METTL2A: variants seen among roughly 807,000 people sequenced by gnomAD.
The protein encoded by METTL2A is methyltransferase 2A, tRNA N3-cytidine, also known as tRNA N(3)-cytidine methyltransferase METTL2A.
In METTL2A, 45 loss-of-function variants were observed where a neutral mutation model predicts 49.4. The observed-to-expected ratio is 0.91, with a 90% CI of 0.72 to 1.17. The LOEUF is 1.17. Ranked by LOEUF, METTL2A falls within the 50% of genes most tolerant of loss-of-function variation. The probability of loss-of-function intolerance (pLI) is 0.00; values close to 1 mark genes in which losing one functional copy is unlikely to be tolerated. For synonymous variants in METTL2A, 118 were observed against 167.5 expected (o/e 0.70, Z 2.28); for missense variants, 361 against 462.2 (o/e 0.78, Z 2.01).
In METTL2A at chr17:62,452,078, T is replaced by G. The variant is rs1316561412; in HGVS notation, c.*3349T>G. Among the ~76,000 whole-genome samples, 2 of 152,072 alleles carry G rather than the reference T, an allele frequency of 1.3e-5. No homozygotes were observed. The highest frequency in any genetic ancestry group is 4.8e-5 in the African/African-American group (2 of 41,424). ...GTCTCAAAATAAAAAACAAAAAAAA[T>G]GTAAAAAATAAATAATTGTATTGAA... On this transcript the variant is annotated 3_prime_UTR_variant, in exon 9 of 9. Coordinates refer to ENST00000311506, the MANE Select transcript of METTL2A (RefSeq NM_181725.4).
rs376642296 is a variant in METTL2A, at chr17:62,449,344, CA to C, written c.*624del. 425 of 417,252 alleles carry C rather than the reference CA, an allele frequency of 1.0e-3. No homozygotes were observed. Among genetic ancestry groups the C allele is most frequent in the East Asian group, 2.4e-3 (30 of 12,596 alleles). The allele number at this position is 417,252 out of a possible 1,614,324, so 25.8% of individuals were successfully genotyped here. On this transcript the variant is annotated 3_prime_UTR_variant, in exon 9 of 9. Transcript: ENST00000311506. ...AGAATCAGATCAGATATTTTCCTGACAAAAAAAAATGACCCTACAGAGAGCA... is the reference window on the plus strand; with the variant it reads ...AGAATCAGATCAGATATTTTCCTGACAAAAAAAATGACCCTACAGAGAGCA...
intron 4 of METTL2A, among the ~76,000 whole-genome samples, chr17:62,434,125 G>A (rs1417132259): frequency 2.0e-5 from 3 of 152,186 alleles, no homozygotes; most frequent in Non-Finnish European, 4.4e-5. Flanking sequence ...CCCTGCTTTC[G>A]GAGCAGTGCT....
intron 7 of METTL2A, among the ~76,000 whole-genome samples, chr17:62,447,208 G>A (rs550242559): frequency 6.6e-6 from 1 of 152,052 alleles, no homozygotes; most frequent in Admixed American, 6.6e-5. Flanking sequence ...CACCTGAGGT[G>A]AGGAGTTTGA....
chr17:62,439,607 G>T (rs931781682), intron 5 of METTL2A, among the ~76,000 whole-genome samples: 3 of 149,770 alleles, frequency 2.0e-5, no homozygotes, highest in Admixed American at 6.7e-5. Context: ...CTAATTTTTT[G>T]TATTTTTAGT....
At chr17:62,440,094 C>T (rs555918192) in intron 5 of METTL2A, among the ~76,000 whole-genome samples, 10 of 150,564 alleles carry the variant, frequency 6.6e-5, no homozygotes, top group Admixed American at 1.3e-4. Flanking sequence ...GGTGCAATCT[C>T]GGCTCACTGC....
In METTL2A at chr17:62,424,292, G is replaced by T. The variant is rs1276415707; in HGVS notation, c.184G>T (p.Val62Leu). ...AGTCCAGGAGAACAGTATCCAGCGG[G>T]TGTGCCAGGAGAAACAAGGTGCGCT... Reference protein sequence around the residue: ...RKVQENSIQRVCQEKQVDYEI... With the variant: ...RKVQENSIQRLCQEKQVDYEI... The change falls in exon 2 of 9, where the codon GTG (valine) becomes TTG (leucine). Residue 62 changes from valine (V) to leucine (L), a missense_variant. Physicochemically the swap from Val to Leu is conservative, Grantham distance 32. Around this residue, in one of 3 missense-constraint regions of METTL2A, gnomAD observed 150 missense variants for 170.1 expected, o/e 0.88. Transcript: ENST00000311506. The T allele has an allele frequency of 6.2e-7, 1 of 1,613,958 alleles. No homozygotes were observed.
intron 4 of METTL2A, among the ~76,000 whole-genome samples, chr17:62,433,954 T>TG (rs1327875724): frequency 6.6e-5 from 10 of 151,994 alleles, no homozygotes; most frequent in African/African-American, 2.2e-4. Flanking sequence ...CCGAGCTACT[T>TG]GGGGGGCTGA....
intron 7 of METTL2A, among the ~76,000 whole-genome samples, chr17:62,446,317 CT>C (rs200539094): frequency 0.097 from 14,136 of 146,156 alleles, 1,714 homozygotes; most frequent in East Asian, 0.44. Flanking sequence ...GTGTTACAGC[CT>C]TTTTTTTTTT....
chr17:62,445,574 G>A (rs2144156716), intron 7 of METTL2A, among the ~76,000 whole-genome samples: 1 of 152,254 alleles, frequency 6.6e-6, no homozygotes, highest in South Asian at 2.1e-4. Context: ...CGAGGTGGGT[G>A]GATCGCCTGA....
Position 62,426,376 on chromosome 17 carries a change from C to G in METTL2A, c.280C>G (p.His94Asp). ...IHENGFFKDR[H>D]WLFTEFPELA... Reference sequence around the variant, plus strand: ...CGAAAATGGGTTTTTCAAGGATAGACATTGGCTTTTTACCGAATTCCCTGA... The same window carrying G: ...CGAAAATGGGTTTTTCAAGGATAGAGATTGGCTTTTTACCGAATTCCCTGA... Residue 94 changes from histidine (H) to aspartate (D), a missense_variant, in exon 3 of 9, where the codon CAT becomes GAT. Physicochemically the swap from His to Asp is moderately conservative, Grantham distance 81. Transcript: ENST00000311506. 6.2e-7 allele frequency: 1 copy of G among 1,613,880 alleles called. No homozygotes were observed. Among genetic ancestry groups the G allele is most frequent in the Non-Finnish European group, 8.5e-7 (1 of 1,179,868 alleles).
At chr17:62,425,110 A>G (rs1195872143) in intron 2 of METTL2A, among the ~76,000 whole-genome samples, 1 of 151,354 alleles carries the variant, frequency 6.6e-6, no homozygotes, top group Non-Finnish European at 1.5e-5. Context: ...ACCACAGGAC[A>G]TTAAGTGCTT....
At position 62,430,019 on chromosome 17, in the gene METTL2A, T is replaced by G. The variant is rs551258197; in HGVS notation, c.608+2182T>G. Among the ~76,000 whole-genome samples the G allele has an allele frequency of 3.9e-5, 6 of 152,362 alleles. No homozygotes were observed. The East Asian group carries it at 1.2e-3, about 29-fold the overall frequency. On this transcript the variant is annotated intron_variant, in intron 4 of 8. Transcript: ENST00000311506. ...GTGGAAATGACATTCCAGTTCTGTA[T>G]GCATTACTGGAATCCACTGTTTCTC...
chr17:62,432,568 G>A (rs2070672701), intron 4 of METTL2A, among the ~76,000 whole-genome samples: 1 of 152,124 alleles, frequency 6.6e-6, no homozygotes, highest in African/African-American at 2.4e-5. Context: ...GGGAGGCCAA[G>A]ACGGGCAGAT....
At chr17:62,446,443 C>T (rs1288834091) in intron 7 of METTL2A, among the ~76,000 whole-genome samples, 9 of 152,228 alleles carry the variant, frequency 5.9e-5, no homozygotes, top group Non-Finnish European at 1.2e-4. Flanking sequence ...CCCGAATAGC[C>T]GAGACTACAG....
chr17:62,438,686 T>C (rs1306859543), intron 5 of METTL2A, among the ~76,000 whole-genome samples: 1 of 152,086 alleles, frequency 6.6e-6, no homozygotes, highest in African/African-American at 2.4e-5. Context: ...AAAGACCAAA[T>C]GAATATTGAA....
intron 6 of METTL2A, among the ~76,000 whole-genome samples, chr17:62,444,339 G>A (rs2070755272): frequency 2.0e-5 from 3 of 152,178 alleles, no homozygotes; most frequent in Non-Finnish European, 2.9e-5. Context: ...GAGGGCAGTG[G>A]TGCAATCTTG....
chr17:62,424,060 G>A (rs761277442), intron 1 of METTL2A, 48 bp downstream of exon 1: 72 of 1,598,136 alleles, frequency 4.5e-5, no homozygotes, highest in Non-Finnish European at 5.8e-5. Context: ...CCTCTGTCCC[G>A]CCGCCTCGGA....
At position 62,450,889 on chromosome 17, in the gene METTL2A, T is replaced by A. The variant is rs932454787; in HGVS notation, c.*2160T>A. The A allele has an allele frequency of 2.0e-5, 3 of 152,192 alleles. No individual in the cohort carries two copies. The highest frequency in any genetic ancestry group is 6.6e-5 in the Admixed American group (1 of 15,264). 9.4% of individuals were successfully genotyped at this position (152,192 alleles called of 1,614,324 possible). Reference sequence around the variant, plus strand: ...TAAATTTTGGAATAATAAATTTATATAGGAATACTGCAAGAATAGTCCATT... The same window carrying A: ...TAAATTTTGGAATAATAAATTTATAAAGGAATACTGCAAGAATAGTCCATT... On this transcript the variant is annotated 3_prime_UTR_variant, in exon 9 of 9. Transcript: ENST00000311506.
At chr17:62,448,056 C>T (rs1401208818) in intron 8 of METTL2A, among the ~76,000 whole-genome samples, 2 of 152,164 alleles carry the variant, frequency 1.3e-5, no homozygotes, top group Non-Finnish European at 2.9e-5. Flanking sequence ...GGCTCATCTC[C>T]AGTCCAGCCT....
Sources: gnomAD v4.1 joint callset for allele counts (sites outside exome capture counted in the v4.1 genomes callset) on GRCh38, gnomAD v4.1.1 for gene constraint, gnomAD v4.1.1 regional missense constraint, MANE v1.5 for transcripts, NCBI Gene and HGNC (gene_info 2026-07-23, HGNC 2026-07-21) for gene names.